CCDC158: variants seen among roughly 807,000 people sequenced by gnomAD.
CCDC158 encodes coiled-coil domain-containing protein 158.
A neutral mutation model predicts 138.6 loss-of-function variants in CCDC158; 116 were observed. That is an observed-to-expected ratio of 0.84 (90% CI 0.72 to 0.98). The LOEUF is 0.98. Among genes scored for constraint, CCDC158 ranks in the 50% least tolerant of loss-of-function variants. The pLI is 0.00. For missense variants in CCDC158, 1,265 were observed against 1,306.1 expected (o/e 0.97, Z 0.48); for synonymous variants, 436 against 442.4 (o/e 0.99, Z 0.18).
intron 21 of CCDC158, 65 bp downstream of exon 21, chr4:76,331,279 C>A: frequency 2.9e-6 from 4 of 1,399,936 alleles, no homozygotes; most frequent in Non-Finnish European, 4.1e-6. Flanking sequence ...AGTTAAAGAT[C>A]TTTTGAATTA....
At chr4:76,331,940 T>C (rs1721049205) in intron 20 of CCDC158, among the ~76,000 whole-genome samples, 1 of 152,192 alleles carries the variant, frequency 6.6e-6, no homozygotes, top group South Asian at 2.1e-4. Context: ...TTGAAAGCTG[T>C]CTTTGATTAT....
intron 12 of CCDC158, among the ~76,000 whole-genome samples, chr4:76,364,299 G>T (rs557126638): frequency 3.9e-5 from 6 of 152,256 alleles, no homozygotes; most frequent in Admixed American, 3.9e-4. Flanking sequence ...GATTGCCACA[G>T]TGCCTCCTAA....
chr4:76,329,682 T>C (rs1297169473), intron 21 of CCDC158, among the ~76,000 whole-genome samples: 1 of 152,218 alleles, frequency 6.6e-6, no homozygotes, highest in Non-Finnish European at 1.5e-5. Flanking sequence ...AACTACATAG[T>C]TCTCTGTGAG....
intron 8 of CCDC158, among the ~76,000 whole-genome samples, chr4:76,380,783 C>T (rs1174342767): frequency 6.6e-6 from 1 of 152,208 alleles, no homozygotes; most frequent in African/African-American, 2.4e-5. Context: ...CCTTCCAACA[C>T]AGGCCTTGTG....
intron 15 of CCDC158, among the ~76,000 whole-genome samples, 173 bp from the exon 16 acceptor site, chr4:76,353,454 T>G (rs1034189201): frequency 3.3e-5 from 5 of 152,234 alleles, no homozygotes; most frequent in Non-Finnish European, 7.3e-5. Context: ...TGTTATTATG[T>G]ACTCTCTCCT....
In CCDC158 at chr4:76,353,119, T is replaced by C; in HGVS notation, c.2445+4A>G. Reference sequence around the variant, plus strand: ...ATTACTTCATATGTTTAGTTAATAATTACCTTATCCAGAGCCACTTCCATA... The same window carrying C: ...ATTACTTCATATGTTTAGTTAATAACTACCTTATCCAGAGCCACTTCCATA... On this transcript the variant is annotated splice_donor_region_variant and intron_variant, in intron 16 of 24. Coordinates refer to ENST00000682701, the MANE Select transcript of CCDC158 (RefSeq NM_001394954.1). 6.2e-7 allele frequency: 1 copy of C among 1,603,816 alleles called. No homozygotes were observed.
chr4:76,362,176 T>A lies in CCDC158; in HGVS notation c.1970A>T (p.Gln657Leu). ...ACTTGTTTTCACCTCATTTAATAATTGATCTCTCTCTTGTTTGATGTCCTT... is the reference window on the plus strand; with the variant it reads ...ACTTGTTTTCACCTCATTTAATAATAGATCTCTCTCTTGTTTGATGTCCTT... ...AVKDIKQERDQLLNEVKTSRS... is the reference protein window; with the variant it reads ...AVKDIKQERDLLLNEVKTSRS... Residue 657 changes from glutamine to leucine, a missense_variant, in exon 13 of 25, where the codon CAA (glutamine) becomes CTA (leucine). Physicochemically the swap from Gln to Leu is moderately radical, Grantham distance 113. Coordinates refer to ENST00000682701, the MANE Select transcript of CCDC158 (RefSeq NM_001394954.1). 6.2e-7 allele frequency: 1 copy of A among 1,614,130 alleles called. No homozygotes were observed. The highest frequency in any genetic ancestry group is 8.5e-7 in the Non-Finnish European group (1 of 1,180,020).
intron 13 of CCDC158, among the ~76,000 whole-genome samples, chr4:76,360,757 T>C (rs1724053117): frequency 6.6e-6 from 1 of 152,230 alleles, no homozygotes; most frequent in Admixed American, 6.5e-5. Context: ...GTTTTTTATT[T>C]TATAGGCTCA....
chr4:76,383,764 T>A, intron 6 of CCDC158, 26 bp from the exon 7 acceptor site: 1 of 1,511,436 alleles, frequency 6.6e-7, no homozygotes, highest in Admixed American at 1.7e-5. Flanking sequence ...AGACACTGAT[T>A]TAGTTACTGG....
intron 8 of CCDC158, among the ~76,000 whole-genome samples, chr4:76,380,174 G>A (rs950167954): frequency 1.3e-5 from 2 of 152,188 alleles, no homozygotes; most frequent in Admixed American, 6.5e-5. Flanking sequence ...AAAGATATCT[G>A]AAAATGTGAA....
At position 76,375,439 on chromosome 4, in the gene CCDC158, G is replaced by A. The variant is rs1237274090; in HGVS notation, c.1029+3851C>T. The A allele has an allele frequency of 5.3e-6, 3 of 561,074 alleles. No individual in the cohort carries two copies. In the East Asian group the frequency reaches 8.9e-5, roughly 17 times the overall value. The allele number at this position is 561,074 out of a possible 1,614,324, so 34.8% of individuals were successfully genotyped here. ...ATAAGGGATGCTACAGGCCAGCATG[G>A]CGGTGCATTGGCAGAACTATGCAGA... On this transcript the variant is annotated intron_variant, in intron 9 of 24. Coordinates refer to ENST00000682701, the MANE Select transcript of CCDC158 (RefSeq NM_001394954.1).
Position 76,367,540 on chromosome 4 carries a change from C to A in CCDC158, c.1584G>T (p.Leu528Phe). 6.2e-7 allele frequency: 1 copy of A among 1,614,080 alleles called. No individual in the cohort carries two copies. Among genetic ancestry groups the A allele is most frequent in the Non-Finnish European group, 8.5e-7 (1 of 1,180,038 alleles). Residue 528 changes from leucine (L) to phenylalanine (F), a missense_variant, in exon 12 of 25, where the codon TTG becomes TTT. Leu to Phe is a conservative substitution (Grantham distance 22). Transcript: ENST00000682701. The stretch of plus-strand genomic sequence containing the variant: ...TCAAGTGTTGCAGCTCCTGCAATTT[C>A]AAGTCCACCCGGGAGCGGAGCTTTG... The part of the protein sequence containing the change: ...EITKLRSRVD[L>F]KLQELQHLKN...
intron 18 of CCDC158, among the ~76,000 whole-genome samples, chr4:76,337,196 G>T (rs2110120033): frequency 6.6e-6 from 1 of 152,092 alleles, no homozygotes; most frequent in East Asian, 1.9e-4. Flanking sequence ...TGCCATGTTG[G>T]CCAGGCTGGT....
Position 76,362,292 on chromosome 4 carries a change from T to C in CCDC158, c.1854A>G (p.Ala618=), listed in dbSNP as rs780836368. The change falls in exon 13 of 25, where the codon GCA becomes GCG. Residue 618 remains alanine (A), a synonymous_variant. Coordinates refer to ENST00000682701, the MANE Select transcript of CCDC158 (RefSeq NM_001394954.1). ...CTCTGGCCTCAAGCTCCCGGATCTT[T>C]GCATCTTTTTTATCTTTTAATATCT... The part of the protein sequence containing the change: ...ELKILKDKKD[A]KIRELEARVS... The C allele has an allele frequency of 6.2e-7, 1 of 1,612,298 alleles. No individual in the cohort carries two copies.
Position 76,325,888 on chromosome 4 carries a change from G to A in CCDC158, c.3138C>T (p.Ala1046=), listed in dbSNP as rs774772238. ...CAGAATCAGATGAATGAATAGGTTTGGCAGATCTATACTGTGATGTGGAAC... is the reference window on the plus strand; with the variant it reads ...CAGAATCAGATGAATGAATAGGTTTAGCAGATCTATACTGTGATGTGGAAC... ...SIGSTSQYRS[A]KPIHSSDSVK... Residue 1046 remains alanine (A), a synonymous_variant, in exon 23 of 25, where the codon GCC becomes GCT. Transcript: ENST00000682701. 1.9e-6 allele frequency: 3 copies of A among 1,611,952 alleles called. No individual in the cohort carries two copies. Among genetic ancestry groups the A allele is most frequent in the African/African-American group, 2.7e-5 (2 of 74,768 alleles).
intron 8 of CCDC158, among the ~76,000 whole-genome samples, chr4:76,380,251 C>T (rs562589597): frequency 2.6e-5 from 4 of 151,930 alleles, no homozygotes; most frequent in South Asian, 4.2e-4. Flanking sequence ...GACAGAAAGA[C>T]GAGGGAAAGT....
chr4:76,351,144 G>A, intron 17 of CCDC158, 23 bp from the exon 18 acceptor site: 2 of 1,579,104 alleles, frequency 1.3e-6, no homozygotes, highest in South Asian at 2.3e-5. Context: ...ATAGAGGTAA[G>A]CAAAATAACT....
chr4:76,383,525 T>G, intron 7 of CCDC158, 137 bp downstream of exon 7: 1 of 623,416 alleles, frequency 1.6e-6, no homozygotes, highest in Non-Finnish European at 2.9e-6. Flanking sequence ...AAACAAAATG[T>G]TAACATGAGT....
intron 18 of CCDC158, among the ~76,000 whole-genome samples, chr4:76,344,355 G>A (rs1722342869): frequency 6.6e-6 from 1 of 152,206 alleles, no homozygotes. Context: ...AAATAAGGGA[G>A]GACACGAACA....
Sources: allele counts gnomAD v4.1 joint callset (sites outside exome capture counted in the v4.1 genomes callset), GRCh38; gene constraint gnomAD v4.1.1; transcripts MANE v1.5; gene names NCBI Gene and HGNC (gene_info 2026-07-23, HGNC 2026-07-21).